Variants in PINX1 observed in about 807,000 individuals in gnomAD.
PINX1 encodes the protein PIN2/TERF1-interacting telomerase inhibitor 1.
PINX1 carries 34 observed loss-of-function variants against 25.4 expected under a neutral mutation model. That is an observed-to-expected ratio of 1.34 (90% CI 1.02 to 1.78). The LOEUF (loss-of-function observed/expected upper bound fraction) is 1.78. Ranked by LOEUF, PINX1 falls within the 40% of genes most tolerant of loss-of-function variation. PINX1 has a pLI of 0.00. For missense variants in PINX1, 592 were observed against 404.9 expected, an observed-to-expected ratio of 1.46 and a Z score of -3.97; for synonymous variants, 197 against 147.7, an observed-to-expected ratio of 1.33 and a Z score of -2.42.
At chr8:10,766,174 G>A (rs1442266511) in intron 6 of PINX1, among the ~76,000 whole-genome samples, 1 of 152,204 alleles carries the variant, frequency 6.6e-6, no homozygotes, top group African/African-American at 2.4e-5. Flanking sequence ...GGTGGTAGAT[G>A]ACAGGCAGAA....
intron 6 of PINX1, among the ~76,000 whole-genome samples, chr8:10,768,695 T>G (rs1258506808): frequency 6.6e-6 from 1 of 152,152 alleles, no homozygotes; most frequent in African/African-American, 2.4e-5. Flanking sequence ...GACCATGGAC[T>G]CAAAGGAAAA....
chr8:10,803,287 T>A (rs1802327055), intron 6 of PINX1, among the ~76,000 whole-genome samples: 1 of 152,206 alleles, frequency 6.6e-6, no homozygotes, highest in African/African-American at 2.4e-5. Context: ...GGAAATTTCC[T>A]TACACAATCA....
intron 6 of PINX1, among the ~76,000 whole-genome samples, chr8:10,819,469 G>C (rs1401823999): frequency 1.3e-5 from 2 of 152,298 alleles, no homozygotes; most frequent in South Asian, 2.1e-4. Flanking sequence ...GACAATGCCA[G>C]TTCTAAATAC....
intron 6 of PINX1, among the ~76,000 whole-genome samples, chr8:10,794,322 C>A (rs866546395): frequency 6.6e-6 from 1 of 152,130 alleles, no homozygotes; most frequent in Admixed American, 6.5e-5. Flanking sequence ...TTTCCGTTAA[C>A]CTACACAGAA....
chr8:10,777,334 G>C (rs1221703746), intron 6 of PINX1, among the ~76,000 whole-genome samples: 1 of 152,230 alleles, frequency 6.6e-6, no homozygotes, highest in Non-Finnish European at 1.5e-5. Flanking sequence ...AGAAAGCAGA[G>C]GCAGGCCCAA....
chr8:10,787,355 G>A (rs181248014), intron 6 of PINX1, among the ~76,000 whole-genome samples: 1 of 151,890 alleles, frequency 6.6e-6, no homozygotes, highest in Admixed American at 6.6e-5. Flanking sequence ...GCCCCCCAAG[G>A]AGCTGGGACT....
At chr8:10,813,676 T>G (rs2129083829) in intron 6 of PINX1, among the ~76,000 whole-genome samples, 1 of 152,174 alleles carries the variant, frequency 6.6e-6, no homozygotes, top group South Asian at 2.1e-4. Context: ...AGAGTGAAAC[T>G]CTCATGAGGG....
At chr8:10,825,527 C>T in intron 5 of PINX1, 1 of 522,646 alleles carries the variant, frequency 1.9e-6, no homozygotes. Flanking sequence ...TGGCTGAAGA[C>T]AACAACCGCA....
At chr8:10,786,290 A>C (rs1801744821) in intron 6 of PINX1, among the ~76,000 whole-genome samples, 1 of 152,226 alleles carries the variant, frequency 6.6e-6, no homozygotes, top group Non-Finnish European at 1.5e-5. Context: ...TACCTTCCTG[A>C]AGCCAATACA....
At chr8:10,800,833 C>A in intron 6 of PINX1, among the ~76,000 whole-genome samples, 1 of 152,190 alleles carries the variant, frequency 6.6e-6, no homozygotes, top group East Asian at 1.9e-4. Context: ...GCACTCTCTT[C>A]TCTTTGCTTT....
At chr8:10,810,089 C>T (rs559921983) in intron 6 of PINX1, among the ~76,000 whole-genome samples, 2 of 152,264 alleles carry the variant, frequency 1.3e-5, no homozygotes, top group East Asian at 3.9e-4. Flanking sequence ...AGAGTGAGAA[C>T]TCATTCATTA....
chr8:10,766,450 T>C (rs1043390525), intron 6 of PINX1, among the ~76,000 whole-genome samples: 1 of 152,214 alleles, frequency 6.6e-6, no homozygotes, highest in African/African-American at 2.4e-5. Context: ...CCCTGGAACC[T>C]GGCTTGCCAG....
chr8:10,765,589 C>A lies in PINX1; in HGVS notation c.799G>T (p.Asp267Tyr). The A allele has an allele frequency of 6.2e-6, 10 of 1,613,716 alleles. No individual in the cohort carries two copies. Among genetic ancestry groups the A allele is most frequent in the African/African-American group, 1.3e-5 (1 of 75,064 alleles). The change falls in exon 7 of 7, where the codon GAC becomes TAC. Residue 267 changes from aspartate (D) to tyrosine (Y), a missense_variant. Physicochemically the swap from Asp to Tyr is radical, Grantham distance 160 (BLOSUM62 -3). Coordinates refer to ENST00000314787, the MANE Select transcript of PINX1 (RefSeq NM_017884.6). The stretch of plus-strand genomic sequence containing the variant: ...TGAGCAGAGGCCTTGGAACTCTGGT[C>A]CCAGCAGGGGCCTCTGAGCTGCTCT... The part of the protein sequence containing the change: ...AEEQLRGPCW[D>Y]QSSKASAQDA...
chr8:10,823,318 G>T lies in PINX1; in HGVS notation c.394+2834C>A, dbSNP rs76926466. Among the ~76,000 whole-genome samples, 19 of 152,268 alleles carry T rather than the reference G, an allele frequency of 1.2e-4. No homozygotes were observed. The East Asian group carries it at 3.3e-3, about 26-fold the overall frequency. ...CTCAAAAGGATTAAGAAGTCTGCAAGATTCCCAGGATAAAGCTGCACAATT... is the reference window on the plus strand; with the variant it reads ...CTCAAAAGGATTAAGAAGTCTGCAATATTCCCAGGATAAAGCTGCACAATT... On this transcript the variant is annotated intron_variant, in intron 5 of 6. Coordinates refer to ENST00000314787, the MANE Select transcript of PINX1 (RefSeq NM_017884.6).
chr8:10,806,287 A>G (rs1802449299), intron 6 of PINX1, among the ~76,000 whole-genome samples: 1 of 152,200 alleles, frequency 6.6e-6, no homozygotes, highest in Admixed American at 6.5e-5. Flanking sequence ...GCTTGGATCC[A>G]ACAAGCTGCA....
chr8:10,838,219 T>C (rs1431009148), intron 1 of PINX1, among the ~76,000 whole-genome samples: 2 of 152,262 alleles, frequency 1.3e-5, no homozygotes, highest in Non-Finnish European at 2.9e-5. Flanking sequence ...TCTAAGGTTT[T>C]TCTTCTTAAC....
intron 6 of PINX1, among the ~76,000 whole-genome samples, chr8:10,797,620 G>C (rs1001533415): frequency 2.0e-5 from 3 of 152,194 alleles, no homozygotes; most frequent in African/African-American, 7.2e-5. Context: ...ATCAGATTCA[G>C]AAGAAACCTA....
chr8:10,792,792 G>A (rs770381853), intron 6 of PINX1, among the ~76,000 whole-genome samples: 1 of 152,160 alleles, frequency 6.6e-6, no homozygotes, highest in Admixed American at 6.5e-5. Flanking sequence ...AGTCTACATT[G>A]TATTCCTCAT....
intron 6 of PINX1, among the ~76,000 whole-genome samples, chr8:10,811,886 A>T (rs1269660273): frequency 1.3e-5 from 2 of 152,168 alleles, no homozygotes; most frequent in Non-Finnish European, 2.9e-5. Context: ...CCACCTGGGT[A>T]GAGGGGAGGG....
Sources: gnomAD v4.1 joint callset for allele counts (sites outside exome capture counted in the v4.1 genomes callset) on GRCh38, gnomAD v4.1.1 for gene constraint, MANE v1.5 for transcripts, NCBI Gene and HGNC (gene_info 2026-07-23, HGNC 2026-07-21) for gene names.